Variants in SLC41A3 observed in about 807,000 individuals in gnomAD.
SLC41A3 encodes the protein solute carrier family 41 member 3, also known as SLC41A1-like 2.
A neutral mutation model predicts 45.4 loss-of-function variants in SLC41A3; 44 were observed. That is an observed-to-expected ratio of 0.97 (90% CI 0.76 to 1.25). SLC41A3 has a LOEUF of 1.25. Ranked by LOEUF, SLC41A3 falls within the 50% of genes most tolerant of loss-of-function variation. SLC41A3 has a pLI of 0.00. For synonymous variants in SLC41A3, 256 were observed against 252.4 expected (o/e 1.01, Z -0.13); for missense variants, 550 against 600.6 (o/e 0.92, Z 0.88).
chr3:126,070,710 C>T (rs1944578301), intron 1 of SLC41A3, among the ~76,000 whole-genome samples: 1 of 151,964 alleles, frequency 6.6e-6, no homozygotes, highest in Non-Finnish European at 1.5e-5. Flanking sequence ...AGCATTCGTC[C>T]CCAGCACACC....
At chr3:126,059,311 G>GAAGAAAGAAAGA (rs1943930502) in intron 2 of SLC41A3, among the ~76,000 whole-genome samples, 4 of 81,062 alleles carry the variant, frequency 4.9e-5, no homozygotes, top group Non-Finnish European at 1.0e-4. Flanking sequence ...AGAAAGAAAG[G>GAAGAAAGAAAGA]AAGGATGATC....
At chr3:126,038,447 C>G (rs1390434801) in intron 3 of SLC41A3, among the ~76,000 whole-genome samples, 1 of 152,242 alleles carries the variant, frequency 6.6e-6, no homozygotes, top group African/African-American at 2.4e-5. Context: ...GAGCCCACCT[C>G]TCACACCAGT....
In SLC41A3 at chr3:126,075,101, T is replaced by C. The variant is rs141059225; in HGVS notation, c.-27-6855A>G. On this transcript the variant is annotated intron_variant, in intron 1 of 10. Coordinates refer to ENST00000360370, the MANE Select transcript of SLC41A3 (RefSeq NM_017836.4). ...CTGGGACTGCAGGTATATGCTATCA[T>C]GCTTGGCTATAGTTTTTTATTTTTT... 5.2e-3 allele frequency among the ~76,000 whole-genome samples: 782 copies of C among 151,722 alleles called. 6 individuals are homozygous for C. The highest frequency in any genetic ancestry group is 0.018 in the African/African-American group (730 of 41,350).
chr3:126,068,698 C>G (rs1559880345), intron 1 of SLC41A3, among the ~76,000 whole-genome samples: 1 of 152,176 alleles, frequency 6.6e-6, no homozygotes, highest in Non-Finnish European at 1.5e-5. Context: ...CATGCCTGGT[C>G]CCACTACCCT....
upstream of SLC41A3, among the ~76,000 whole-genome samples, chr3:126,087,092 C>T (rs1400002011): frequency 6.6e-6 from 1 of 152,078 alleles, no homozygotes; most frequent in African/African-American, 2.4e-5. Context: ...CTTCAGAATA[C>T]TATAAGATTA....
At chr3:126,036,255 C>T (rs1942180776) in intron 3 of SLC41A3, among the ~76,000 whole-genome samples, 1 of 152,256 alleles carries the variant, frequency 6.6e-6, no homozygotes, top group South Asian at 2.1e-4. Flanking sequence ...GGCCTGCTCT[C>T]CCTTGCACCA....
intron 4 of SLC41A3, among the ~76,000 whole-genome samples, chr3:126,027,929 A>G (rs1312241899): frequency 6.6e-6 from 1 of 152,236 alleles, no homozygotes; most frequent in Non-Finnish European, 1.5e-5. Flanking sequence ...ATCTGGTGAA[A>G]GAAATTTTTA....
At chr3:126,039,829 T>A (rs1942462317) in intron 3 of SLC41A3, among the ~76,000 whole-genome samples, 1 of 152,254 alleles carries the variant, frequency 6.6e-6, no homozygotes, top group Admixed American at 6.5e-5. Flanking sequence ...GGATCTTATC[T>A]GTGGATATGT....
intron 3 of SLC41A3, 142 bp from the exon 4 acceptor site, chr3:126,033,820 C>T (rs1201952229): frequency 3.7e-6 from 3 of 812,798 alleles, no homozygotes; most frequent in Non-Finnish European, 5.9e-6. Flanking sequence ...CTGCTCAGCT[C>T]TCCAAACAGC....
chr3:126,065,608 G>A (rs925958079), intron 2 of SLC41A3, among the ~76,000 whole-genome samples: 4 of 152,176 alleles, frequency 2.6e-5, no homozygotes, highest in Non-Finnish European at 4.4e-5. Flanking sequence ...GTGCTGCCCT[G>A]TGCACGCACA....
chr3:126,053,027 C>T (rs1305478253), intron 2 of SLC41A3, among the ~76,000 whole-genome samples: 1 of 152,166 alleles, frequency 6.6e-6, no homozygotes, highest in Admixed American at 6.5e-5. Context: ...TATGACTGGT[C>T]AGTGAGACCT....
intron 6 of SLC41A3, among the ~76,000 whole-genome samples, chr3:126,017,200 C>G (rs1940387610): frequency 6.6e-6 from 1 of 152,216 alleles, no homozygotes; most frequent in African/African-American, 2.4e-5. Flanking sequence ...TGGAATGCAC[C>G]ATGAGCCAGC....
rs376703967 is a variant in SLC41A3, at chr3:126,016,792, G to C, written c.829C>G (p.Pro277Ala). 3 of 1,612,742 alleles carry C rather than the reference G, an allele frequency of 1.9e-6. No homozygotes were observed. Among genetic ancestry groups the C allele is most frequent in the Non-Finnish European group, 1.7e-6 (2 of 1,179,664 alleles). ...CCAAACTTCAGGATCTTCACGATGG[G>C]TGGGCTCTGCTTGGCAATGAGGACC... ...VWVLIAKQSP[P>A]IVKILKFGWF... is the part of the protein sequence containing the mutation. Residue 277 changes from proline to alanine, a missense_variant, in exon 7 of 11, where the codon CCC becomes GCC. Transcript: ENST00000360370.
intron 6 of SLC41A3, among the ~76,000 whole-genome samples, chr3:126,019,495 T>C (rs776139013): frequency 6.6e-6 from 1 of 152,200 alleles, no homozygotes; most frequent in Non-Finnish European, 1.5e-5. Flanking sequence ...TCTTAACTTA[T>C]GCCAGCATCA....
intron 1 of SLC41A3, among the ~76,000 whole-genome samples, chr3:126,098,579 C>T (rs1203448931): frequency 6.6e-6 from 1 of 152,220 alleles, no homozygotes; most frequent in Non-Finnish European, 1.5e-5. Context: ...AGGAAGGATT[C>T]CCAGCTCCCA....
chr3:126,023,811 G>A (rs1254444036), intron 5 of SLC41A3: 1 of 149,560 alleles, frequency 6.7e-6, no homozygotes, highest in Non-Finnish European at 1.5e-5. Context: ...TGACTCAACA[G>A]ACTCTCACTT....
At chr3:126,033,723 A>G (rs1224462399) in intron 3 of SLC41A3, 45 bp from the exon 4 acceptor site, 1 of 1,584,802 alleles carries the variant, frequency 6.3e-7, no homozygotes, top group Non-Finnish European at 8.6e-7. Flanking sequence ...GCTAGGCCCA[A>G]AGCCAGGTCA....
intron 9 of SLC41A3, among the ~76,000 whole-genome samples, 195 bp downstream of exon 9, chr3:126,012,420 C>A (rs903143021): frequency 2.0e-5 from 3 of 152,156 alleles, no homozygotes; most frequent in African/African-American, 2.4e-5. Context: ...AGTGGACATT[C>A]AATAAATAAT....
chr3:126,076,277 G>A (rs914462317), intron 1 of SLC41A3, among the ~76,000 whole-genome samples: 1 of 152,138 alleles, frequency 6.6e-6, no homozygotes, highest in African/African-American at 2.4e-5. Context: ...CAAAACCACA[G>A]TAAGATACCA....
Sources: allele counts gnomAD v4.1 joint callset (sites outside exome capture counted in the v4.1 genomes callset), GRCh38; gene constraint gnomAD v4.1.1; transcripts MANE v1.5; gene names NCBI Gene and HGNC (gene_info 2026-07-23, HGNC 2026-07-21).